Variants in MYCN observed in about 807,000 individuals in gnomAD.
MYCN encodes MYCN proto-oncogene, bHLH transcription factor, also known as N-myc proto-oncogene protein.
MYCN carries 3 observed loss-of-function variants against 28.1 expected under a neutral mutation model. The ratio of observed to expected loss-of-function variants is 0.11; its 90% CI spans 0.05 to 0.28. MYCN has a LOEUF of 0.28. MYCN is among the 10% of genes least tolerant of loss of function. The pLI, the probability that MYCN is intolerant of heterozygous loss-of-function variation, is 1.00. For synonymous variants in MYCN, 326 were observed against 288.3 expected (o/e 1.13, Z -1.32); for missense variants, 572 against 651.4 (o/e 0.88, Z 1.33).
Position 15,946,248 on chromosome 2 carries a change from G to A in MYCN, c.*151G>A, listed in dbSNP as rs2103332768. On this transcript the variant is annotated 3_prime_UTR_variant, in exon 3 of 3. Transcript: ENST00000281043. ...GGGTGGGCAGTAGGACCACCAGTGTGGGGTTCTGCTGGGACCTTGGAGAGC... is the reference window on the plus strand; with the variant it reads ...GGGTGGGCAGTAGGACCACCAGTGTAGGGTTCTGCTGGGACCTTGGAGAGC... 8.7e-7 allele frequency: 1 copy of A among 1,155,734 alleles called. No homozygotes were observed. Among genetic ancestry groups the A allele is most frequent in the Non-Finnish European group, 1.3e-6 (1 of 797,606 alleles). 71.6% of individuals were successfully genotyped at this position (1,155,734 alleles called of 1,614,324 possible).
rs760276350 is a variant in MYCN, at chr2:15,945,776, G to T, written c.1074G>T (p.Pro358=). 5 of 1,613,932 alleles carry T rather than the reference G, an allele frequency of 3.1e-6. No individual in the cohort carries two copies. The highest frequency in any genetic ancestry group is 1.7e-5 in the Admixed American group (1 of 60,016). The change falls in exon 3 of 3, where the codon CCG becomes CCT. Residue 358 remains proline (P), a synonymous_variant. Coordinates refer to ENST00000281043, the MANE Select transcript of MYCN (RefSeq NM_005378.6). This position sits in a 1 kb window ranked among gnomAD's most constrained non-coding sequence, Gnocchi z 4.8. The part of the protein sequence containing the change: ...KKIKSEASPR[P]LKSVIPPKAK... ...TAAAGAGCGAGGCGTCCCCACGTCC[G>T]CTCAAGAGTGTCATCCCCCCAAAGG... is the stretch of plus-strand genomic sequence containing the variant.
intron 2 of MYCN, among the ~76,000 whole-genome samples, chr2:15,943,072 A>G (rs1662755333): frequency 1.3e-5 from 2 of 152,206 alleles, no homozygotes; most frequent in Admixed American, 6.5e-5. Context: ...CGCCTTCACT[A>G]AAGTTCCTTC....
In MYCN at chr2:15,945,601, C is replaced by T. The variant is rs1414932356; in HGVS notation, c.899C>T (p.Thr300Ile). ...NTKAVTTFTITVRPKNAALGP... is the reference protein window; with the variant it reads ...NTKAVTTFTIIVRPKNAALGP... ...AAGGCTGTCACCACATTCACCATCA[C>T]TGTGCGTCCCAAGAACGCAGCCCTG... The change falls in exon 3 of 3, where the codon ACT becomes ATT. Residue 300 changes from threonine to isoleucine, a missense_variant. Thr to Ile is a moderately conservative substitution (Grantham distance 89). This residue lies in a region of MYCN where 499 missense variants were observed against 524.3 expected (regional missense o/e 0.95). Transcript: ENST00000281043. The surrounding 1 kb of genome is among the most constrained non-coding windows in gnomAD (Gnocchi z 4.8). 9 of 1,614,036 alleles carry T rather than the reference C, an allele frequency of 5.6e-6. No individual in the cohort carries two copies. The highest frequency in any genetic ancestry group is 1.3e-5 in the African/African-American group (1 of 74,910).
chr2:15,941,792 G>C lies in MYCN; in HGVS notation c.-117-156G>C. 1.8e-6 allele frequency: 1 copy of C among 565,290 alleles called. No individual in the cohort carries two copies. Among genetic ancestry groups the C allele is most frequent in the Non-Finnish European group, 3.2e-6 (1 of 316,868 alleles). 35.0% of individuals were successfully genotyped at this position (565,290 alleles called of 1,614,324 possible). ...ACACAAAAGGAGGGCGGGAGGGAGG[G>C]AGCGAGAGGCACAACTTCCTCCACC... On this transcript the variant is annotated intron_variant, in intron 1 of 2. Transcript: ENST00000281043. The surrounding 1 kb of genome is among the most constrained non-coding windows in gnomAD (Gnocchi z 4.8).
intron 2 of MYCN, among the ~76,000 whole-genome samples, chr2:15,943,969 G>GAT (rs1415808148): frequency 6.6e-6 from 1 of 152,122 alleles, no homozygotes; most frequent in Non-Finnish European, 1.5e-5. Flanking sequence ...AATGCAGGTG[G>GAT]ATAACAAGCC....
At position 15,945,420 on chromosome 2, in the gene MYCN, T is replaced by TATTA; in HGVS notation, c.791-71_791-68dup. ...GCCGGAAGAGACAGATAAGCATACA[T>TATTA]ATTAACATGGATATATATGTGAATT... On this transcript the variant is annotated intron_variant, in intron 2 of 2. Coordinates refer to ENST00000281043, the MANE Select transcript of MYCN (RefSeq NM_005378.6). The surrounding 1 kb of genome is among the most constrained non-coding windows in gnomAD (Gnocchi z 4.8). 1 of 1,525,382 alleles carries TATTA rather than the reference T, an allele frequency of 6.6e-7. No homozygotes were observed. Among genetic ancestry groups the TATTA allele is most frequent in the Non-Finnish European group, 8.9e-7 (1 of 1,124,248 alleles). 94.5% of individuals were successfully genotyped at this position (1,525,382 alleles called of 1,614,324 possible).
At position 15,942,123 on chromosome 2, in the gene MYCN, A is replaced by C; in HGVS notation, c.59A>C (p.Glu20Ala). The C allele has an allele frequency of 6.2e-7, 1 of 1,613,876 alleles. No homozygotes were observed. Reference sequence around the variant, plus strand: ...ATGATCTGCAAGAACCCAGACCTCGAGTTTGACTCGCTACAGCCCTGCTTC... The same window carrying C: ...ATGATCTGCAAGAACCCAGACCTCGCGTTTGACTCGCTACAGCCCTGCTTC... The part of the protein sequence containing the change: ...PGMICKNPDL[E>A]FDSLQPCFYP... Residue 20 changes from glutamate (E) to alanine (A), a missense_variant, in exon 2 of 3, where the codon GAG (glutamate) becomes GCG (alanine). Physicochemically the swap from Glu to Ala is moderately radical, Grantham distance 107 (BLOSUM62 -1). Around this residue, in one of 3 missense-constraint regions of MYCN, gnomAD observed 499 missense variants for 524.3 expected, o/e 0.95. Transcript: ENST00000281043. The surrounding 1 kb of genome is among the most constrained non-coding windows in gnomAD (Gnocchi z 7.0).
At position 15,940,550 on chromosome 2, in the gene MYCN, A is replaced by T. The variant is rs1234443570; in HGVS notation, c.-311A>T. 2.5e-6 allele frequency: 1 copy of T among 394,644 alleles called. No homozygotes were observed. The highest frequency in any genetic ancestry group is 4.5e-6 in the Non-Finnish European group (1 of 224,302). 24.4% of individuals were successfully genotyped at this position (394,644 alleles called of 1,614,324 possible). On this transcript the variant is annotated 5_prime_UTR_variant, in exon 1 of 3. Coordinates refer to ENST00000281043, the MANE Select transcript of MYCN (RefSeq NM_005378.6). Reference sequence around the variant, plus strand: ...TAATATCCCCCGAGCTTCAAAGCGCAGGCTGTGACAGTCATCTGTCTGGAC... The same window carrying T: ...TAATATCCCCCGAGCTTCAAAGCGCTGGCTGTGACAGTCATCTGTCTGGAC...
rs1236393442 is a variant in MYCN, at chr2:15,946,243, AGT to A, written c.*150_*151del. The A allele has an allele frequency of 1.7e-6, 2 of 1,173,480 alleles. No homozygotes were observed. Among genetic ancestry groups the A allele is most frequent in the African/African-American group, 3.0e-5 (2 of 65,708 alleles). The allele number at this position is 1,173,480 out of a possible 1,614,324, so 72.7% of individuals were successfully genotyped here. On this transcript the variant is annotated 3_prime_UTR_variant, in exon 3 of 3. Transcript: ENST00000281043. The stretch of plus-strand genomic sequence containing the variant: ...GCTCTGGGTGGGCAGTAGGACCACC[AGT>A]GTGGGGTTCTGCTGGGACCTTGGAG...
At position 15,942,152 on chromosome 2, in the gene MYCN, C is replaced by A; in HGVS notation, c.88C>A (p.Pro30Thr). Residue 30 changes from proline (P) to threonine (T), a missense_variant, in exon 2 of 3, where the codon CCG (proline) becomes ACG (threonine). Pro to Thr is a conservative substitution (Grantham distance 38). Around this residue, in one of 3 missense-constraint regions of MYCN, gnomAD observed 499 missense variants for 524.3 expected, o/e 0.95. Coordinates refer to ENST00000281043, the MANE Select transcript of MYCN (RefSeq NM_005378.6). This position sits in a 1 kb window ranked among gnomAD's most constrained non-coding sequence, Gnocchi z 7.0. ...TGACTCGCTACAGCCCTGCTTCTAC[C>A]CGGACGAAGATGACTTCTACTTCGG... is the stretch of plus-strand genomic sequence containing the variant. ...EFDSLQPCFY[P>T]DEDDFYFGGP... is the part of the protein sequence containing the mutation. 1 of 1,613,960 alleles carries A rather than the reference C, an allele frequency of 6.2e-7. No individual in the cohort carries two copies. The highest frequency in any genetic ancestry group is 8.5e-7 in the Non-Finnish European group (1 of 1,180,024).
intron 2 of MYCN, among the ~76,000 whole-genome samples, chr2:15,943,190 C>A (rs1662759737): frequency 6.6e-6 from 1 of 152,126 alleles, no homozygotes; most frequent in Non-Finnish European, 1.5e-5. Context: ...AAGTTGGTGG[C>A]TAAACCGGGT....
Position 15,942,613 on chromosome 2 carries a change from C to T in MYCN, c.549C>T (p.Ala183=), listed in dbSNP as rs1572217825. 5 of 1,106,382 alleles carry T rather than the reference C, an allele frequency of 4.5e-6. No homozygotes were observed. Among genetic ancestry groups the T allele is most frequent in the Non-Finnish European group, 5.5e-6 (5 of 907,980 alleles). 68.5% of individuals were successfully genotyped at this position (1,106,382 alleles called of 1,614,324 possible). A position where few individuals can be genotyped will look rare whatever the true frequency, so the allele number is the denominator to read the frequency against. The change falls in exon 2 of 3, where the codon GCC becomes GCT. Residue 183 remains alanine (A), a synonymous_variant. Coordinates refer to ENST00000281043, the MANE Select transcript of MYCN (RefSeq NM_005378.6). The surrounding 1 kb of genome is among the most constrained non-coding windows in gnomAD (Gnocchi z 7.0). ...AALPAELAHP[A]AECVDPAVVF... ...TGCCCGCCGAGCTCGCCCACCCGGC[C>T]GCCGAGTGCGTGGATCCCGCCGTGG...
Position 15,945,007 on chromosome 2 carries a change from T to TTTTGTA in MYCN, c.791-481_791-480insATTTGT, listed in dbSNP as rs1662822902. The stretch of plus-strand genomic sequence containing the variant: ...ATGTATGTATGGGGGGTTGTTTTGT[T>TTTTGTA]TTTGTTTTTGATAAGGAGTTTTGCT... On this transcript the variant is annotated intron_variant, in intron 2 of 2. Coordinates refer to ENST00000281043, the MANE Select transcript of MYCN (RefSeq NM_005378.6). This position sits in a 1 kb window ranked among gnomAD's most constrained non-coding sequence, Gnocchi z 4.8. 6.6e-6 allele frequency among the ~76,000 whole-genome samples: 1 copy of TTTTGTA among 151,682 alleles called. No homozygotes were observed. Among genetic ancestry groups the TTTTGTA allele is most frequent in the African/African-American group, 2.4e-5 (1 of 41,204 alleles).
rs571479830 is a variant in MYCN at position 15,941,929 on chromosome 2, G to A, written c.-117-19G>A. The A allele has an allele frequency of 1.7e-4, 189 of 1,107,474 alleles. No homozygotes were observed. The highest frequency in any genetic ancestry group is 2.2e-4 in the Non-Finnish European group (167 of 763,422). 68.6% of individuals were successfully genotyped at this position (1,107,474 alleles called of 1,614,324 possible). On this transcript the variant is annotated intron_variant, in intron 1 of 2. Transcript: ENST00000281043. This position sits in a 1 kb window ranked among gnomAD's most constrained non-coding sequence, Gnocchi z 4.8. ...CTGCCCCGTTTGCCCACCCTCTCCG[G>A]TGTGTCTGTCGGTTGCAGTGTTGGA...
chr2:15,940,594 G>A lies in MYCN; in HGVS notation c.-267G>A. The A allele has an allele frequency of 7.5e-6, 3 of 400,380 alleles. No homozygotes were observed. Among genetic ancestry groups the A allele is most frequent in the Non-Finnish European group, 8.8e-6 (2 of 226,268 alleles). 24.8% of individuals were successfully genotyped at this position (400,380 alleles called of 1,614,324 possible). ...TCTGGACGCGCTGGGTGGATGCGGG[G>A]GGCTCCTGGGAACTGTGTTGGAGCC... On this transcript the variant is annotated 5_prime_UTR_variant, in exon 1 of 3. Transcript: ENST00000281043.
At position 15,942,658 on chromosome 2, in the gene MYCN, C is replaced by G. The variant is rs1480706293; in HGVS notation, c.594C>G (p.Asn198Lys). Residue 198 changes from asparagine to lysine, a missense_variant, in exon 2 of 3, where the codon AAC (asparagine) becomes AAG (lysine). Asn to Lys is a moderately conservative substitution (Grantham distance 94). Coordinates refer to ENST00000281043, the MANE Select transcript of MYCN (RefSeq NM_005378.6). This position sits in a 1 kb window ranked among gnomAD's most constrained non-coding sequence, Gnocchi z 7.0. Reference protein sequence around the residue: ...DPAVVFPFPVNKREPAPVPAA... With the variant: ...DPAVVFPFPVKKREPAPVPAA... ...CCGTGGTCTTCCCCTTTCCCGTGAACAAGCGCGAGCCAGCGCCCGTGCCCG... is the reference window on the plus strand; with the variant it reads ...CCGTGGTCTTCCCCTTTCCCGTGAAGAAGCGCGAGCCAGCGCCCGTGCCCG... 5 of 1,164,930 alleles carry G rather than the reference C, an allele frequency of 4.3e-6. No individual in the cohort carries two copies. Among genetic ancestry groups the G allele is most frequent in the South Asian group, 3.6e-5 (1 of 27,484 alleles). The allele number at this position is 1,164,930 out of a possible 1,614,324, so 72.2% of individuals were successfully genotyped here.
intron 1 of MYCN, 56 bp downstream of exon 1, chr2:15,940,799 G>A (rs980455182): frequency 1.0e-5 from 4 of 398,304 alleles, no homozygotes; most frequent in Non-Finnish European, 1.8e-5. Context: ...GAGCGCCGGG[G>A]CAAGGCAAGC....
In MYCN at chr2:15,941,743, C is replaced by A. The variant is rs1662679094; in HGVS notation, c.-117-205C>A. 1 of 489,660 alleles carries A rather than the reference C, an allele frequency of 2.0e-6. No homozygotes were observed. The allele number at this position is 489,660 out of a possible 1,614,324, so 30.3% of individuals were successfully genotyped here. On this transcript the variant is annotated intron_variant, in intron 1 of 2. Coordinates refer to ENST00000281043, the MANE Select transcript of MYCN (RefSeq NM_005378.6). This position sits in a 1 kb window ranked among gnomAD's most constrained non-coding sequence, Gnocchi z 4.8. ...CCCCCTGCATCTGCATGCCCCCTCC[C>A]ACCCCCTGTCGTAGACAGCTTGTAC...
In MYCN at chr2:15,942,490, C is replaced by T. The variant is rs763142340; in HGVS notation, c.426C>T (p.Thr142=). 5.8e-6 allele frequency: 9 copies of T among 1,556,544 alleles called. No homozygotes were observed. The highest frequency in any genetic ancestry group is 2.4e-5 in the East Asian group (1 of 42,184). Reference sequence around the variant, plus strand: ...TGCAGCACGGCCGCGGGCCGCCAACCGCCGGTTCCACCGCCCAGTCCCCGG... The same window carrying T: ...TGCAGCACGGCCGCGGGCCGCCAACTGCCGGTTCCACCGCCCAGTCCCCGG... ...EKLQHGRGPP[T]AGSTAQSPGA... Residue 142 remains threonine, a synonymous_variant, in exon 2 of 3, where the codon ACC becomes ACT. Coordinates refer to ENST00000281043, the MANE Select transcript of MYCN (RefSeq NM_005378.6). This position sits in a 1 kb window ranked among gnomAD's most constrained non-coding sequence, Gnocchi z 7.0.
Sources: gnomAD v4.1 joint callset for allele counts (sites outside exome capture counted in the v4.1 genomes callset) on GRCh38, gnomAD v4.1.1 for gene constraint, gnomAD v4.1.1 regional missense constraint, Gnocchi (gnomAD v3.1) non-coding constraint, MANE v1.5 for transcripts, NCBI Gene and HGNC (gene_info 2026-07-23, HGNC 2026-07-21) for gene names.